BCOR: variants seen among roughly 807,000 people sequenced by gnomAD.
BCOR encodes the protein BCL6 corepressor.
BCOR carries 10 observed loss-of-function variants against 86.7 expected under a neutral mutation model. That is an observed-to-expected ratio of 0.12 (90% CI 0.07 to 0.20). The LOEUF (loss-of-function observed/expected upper bound fraction) is 0.20. Ranked by LOEUF, BCOR falls within the 10% of genes least tolerant of loss-of-function variation. The probability of loss-of-function intolerance (pLI) is 1.00; values close to 1 mark genes in which losing one functional copy is unlikely to be tolerated. For synonymous variants in BCOR, 611 were observed against 609.0 expected (o/e 1.00, Z -0.05); for missense variants, 1,259 against 1,452.1 (o/e 0.87, Z 2.16).
In BCOR at chrX:40,123,655, CT is replaced by C. The variant is rs201338413; in HGVS notation, c.-40-45687del. On this transcript the variant is annotated intron_variant, in intron 1 of 14. Coordinates refer to the BCOR transcript ENST00000342274. ...GGTGTGAGCCACCGCGCCCGGCCTT[CT>C]TTTTTTCTTCCACACTTTCTGATTT... 2.7e-3 allele frequency among the ~76,000 whole-genome samples: 297 copies of C among 111,045 alleles called. 1 individual carries two copies. The highest frequency in any genetic ancestry group is 8.4e-3 in the African/African-American group (258 of 30,566).
At chrX:40,138,921 C>T (rs1406127718) in intron 1 of BCOR, among the ~76,000 whole-genome samples, 2 of 110,836 alleles carry the variant, frequency 1.8e-5, no homozygotes, top group African/African-American at 6.6e-5. Flanking sequence ...TATATTGTAT[C>T]ACTACCCTCC....
intron 1 of BCOR, among the ~76,000 whole-genome samples, chrX:40,110,890 T>G (rs1172010098): frequency 1.8e-5 from 2 of 108,236 alleles, no homozygotes. Flanking sequence ...TTTTTGTATT[T>G]CTAGTAGAGA....
At chrX:40,093,252 T>C (rs1936699186) in intron 1 of BCOR, among the ~76,000 whole-genome samples, 1 of 112,240 alleles carries the variant, frequency 8.9e-6, no homozygotes, top group Admixed American at 9.4e-5. Context: ...GCACATGTCA[T>C]TCAAGCGCAC....
In BCOR at chrX:40,064,619, A is replaced by C. The variant is rs765176357; in HGVS notation, c.3239-20T>G. On this transcript the variant is annotated intron_variant, in intron 6 of 14. Coordinates refer to ENST00000378444, the MANE Select transcript of BCOR (RefSeq NM_001123385.2). Reference sequence around the variant, plus strand: ...ACTCGCCTGGGGGAGGGGAGACAAGAGGGCATTAATGAAGCCCGAAGGTCG... The same window carrying C: ...ACTCGCCTGGGGGAGGGGAGACAAGCGGGCATTAATGAAGCCCGAAGGTCG... 8.3e-7 allele frequency: 1 copy of C among 1,211,432 alleles called. No individual in the cohort carries two copies. Among genetic ancestry groups the C allele is most frequent in the South Asian group, 1.8e-5 (1 of 56,951 alleles).
chrX:40,142,255 G>A (rs999857615), intron 1 of BCOR, among the ~76,000 whole-genome samples: 2 of 112,211 alleles, frequency 1.8e-5, no homozygotes, highest in Non-Finnish European at 3.8e-5. Flanking sequence ...TCTGGGTTCT[G>A]GTCTCTTTTG....
chrX:40,108,411 T>G (rs1284619468), intron 1 of BCOR, among the ~76,000 whole-genome samples: 1 of 113,069 alleles, frequency 8.8e-6, no homozygotes, highest in African/African-American at 3.2e-5. Flanking sequence ...AGCCAGTAAA[T>G]CAATCATTAA....
At chrX:40,159,497 C>G (rs1216190802) in intron 1 of BCOR, among the ~76,000 whole-genome samples, 1 of 111,707 alleles carries the variant, frequency 9.0e-6, no homozygotes, top group Non-Finnish European at 1.9e-5. Flanking sequence ...CAGGCGCCTG[C>G]CAACGCGCCC....
chrX:40,074,073 G>C lies in BCOR; in HGVS notation c.1273C>G (p.Pro425Ala). 1 of 1,212,136 alleles carries C rather than the reference G, an allele frequency of 8.2e-7. No individual in the cohort carries two copies. Residue 425 changes from proline (P) to alanine (A), a missense_variant, in exon 4 of 15, where the codon CCT becomes GCT. Physicochemically the swap from Pro to Ala is conservative, Grantham distance 27. Around this residue, in one of 7 missense-constraint regions of BCOR, gnomAD observed 534 missense variants for 594.8 expected, o/e 0.90. Coordinates refer to ENST00000378444, the MANE Select transcript of BCOR (RefSeq NM_001123385.2). Reference sequence around the variant, plus strand: ...GTAACGGTCTGCTTCTCCAACAGAGGAGGTGAGCTGCCATCTTTTCTGTCT... The same window carrying C: ...GTAACGGTCTGCTTCTCCAACAGAGCAGGTGAGCTGCCATCTTTTCTGTCT... ...VQDRKDGSSP[P>A]LLEKQTVTKD...
rs894281028 is a variant in BCOR at position 40,176,545 on chromosome X, C to G, written c.-41+462G>C. 2.7e-5 allele frequency among the ~76,000 whole-genome samples: 3 copies of G among 112,959 alleles called. No individual in the cohort carries two copies. The East Asian group carries it at 8.5e-4, about 32-fold the overall frequency. ...TCAGACGCCCTCGCAGCCTCCGCGT[C>G]GGTTCCGCTCTCGCCCCGGGAGCCC... On this transcript the variant is annotated intron_variant, in intron 1 of 14. Transcript: ENST00000342274.
chrX:40,083,731 C>A (rs1240311237), intron 1 of BCOR, among the ~76,000 whole-genome samples: 1 of 112,468 alleles, frequency 8.9e-6, no homozygotes, highest in Non-Finnish European at 1.9e-5. Context: ...GAGGTCCCAG[C>A]GCGCGGGGCC....
At chrX:40,151,114 C>G (rs1296254585) in intron 1 of BCOR, among the ~76,000 whole-genome samples, 1 of 111,847 alleles carries the variant, frequency 8.9e-6, no homozygotes, top group Non-Finnish European at 1.9e-5. Flanking sequence ...AGTTGTACCT[C>G]CAGAACCCAC....
At chrX:40,089,918 C>T (rs988486693) in intron 1 of BCOR, among the ~76,000 whole-genome samples, 2 of 112,161 alleles carry the variant, frequency 1.8e-5, no homozygotes, top group Non-Finnish European at 3.8e-5. Flanking sequence ...TTCTATTGGG[C>T]CACCCAGAGT....
In BCOR at chrX:40,053,902, C is replaced by G. The variant is rs138012019; in HGVS notation, c.4960G>C (p.Val1654Leu). 176 of 1,209,613 alleles carry G rather than the reference C, an allele frequency of 1.5e-4. No individual in the cohort carries two copies. The highest frequency in any genetic ancestry group is 1.9e-4 in the Non-Finnish European group (169 of 895,125). The change falls in exon 14 of 15, where the codon GTA becomes CTA. Residue 1654 changes from valine to leucine, a missense_variant. Val to Leu is a conservative substitution (Grantham distance 32). Coordinates refer to ENST00000378444, the MANE Select transcript of BCOR (RefSeq NM_001123385.2). ...TPLLPCYNIQ[V>L]SVAQGPRNWL... ...CATGCTCACCCCTGAGCCACAGATACTTGGATGTTATAACACGGTAAGAGG... is the reference window on the plus strand; with the variant it reads ...CATGCTCACCCCTGAGCCACAGATAGTTGGATGTTATAACACGGTAAGAGG...
At chrX:40,130,407 C>G (rs1323334548) in intron 1 of BCOR, among the ~76,000 whole-genome samples, 1 of 112,377 alleles carries the variant, frequency 8.9e-6, no homozygotes, top group Non-Finnish European at 1.9e-5. Context: ...GGGGTGCTGA[C>G]TCACACATCA....
rs776199630 is a variant in BCOR, at chrX:40,074,832, C to T, written c.514G>A (p.Ala172Thr). Reference sequence around the variant, plus strand: ...TTGAGAGGGCTCTGTTTGTCGCTGGCAGGCCTGTCCAAGCCCAGCGCTTCT... The same window carrying T: ...TTGAGAGGGCTCTGTTTGTCGCTGGTAGGCCTGTCCAAGCCCAGCGCTTCT... ...TAEALGLDRP[A>T]SDKQSPLNIN... Residue 172 changes from alanine to threonine, a missense_variant, in exon 4 of 15, where the codon GCC (alanine) becomes ACC (threonine). Ala to Thr is a moderately conservative substitution (Grantham distance 58). Around this residue, in one of 7 missense-constraint regions of BCOR, gnomAD observed 174 missense variants for 189.3 expected, o/e 0.92. Coordinates refer to ENST00000378444, the MANE Select transcript of BCOR (RefSeq NM_001123385.2). 1 of 1,211,817 alleles carries T rather than the reference C, an allele frequency of 8.3e-7. No individual in the cohort carries two copies. The highest frequency in any genetic ancestry group is 1.1e-6 in the Non-Finnish European group (1 of 895,522).
chrX:40,154,926 A>G (rs942754833), intron 1 of BCOR, among the ~76,000 whole-genome samples: 6 of 112,436 alleles, frequency 5.3e-5, no homozygotes, highest in Admixed American at 4.6e-4. Flanking sequence ...CTGCTCGGCA[A>G]AGGGTTAACC....
chrX:40,159,466 C>T (rs1422588459), intron 1 of BCOR, among the ~76,000 whole-genome samples: 2 of 112,835 alleles, frequency 1.8e-5, no homozygotes, highest in African/African-American at 3.2e-5. Flanking sequence ...CCTGCCTCGG[C>T]CTCCCGAGTA....
intron 1 of BCOR, among the ~76,000 whole-genome samples, chrX:40,138,363 C>T (rs766096278): frequency 1.8e-5 from 2 of 111,785 alleles, no homozygotes; most frequent in African/African-American, 6.5e-5. Flanking sequence ...AGGCGAGGGA[C>T]GACTACGAAG....
rs2147198734 is a variant in BCOR at position 40,072,360 on chromosome X, G to A, written c.2986C>T (p.Arg996Trp). 1 of 1,208,525 alleles carries A rather than the reference G, an allele frequency of 8.3e-7. No homozygotes were observed. The highest frequency in any genetic ancestry group is 2.2e-5 in the Admixed American group (1 of 45,827). ...ADSSQLSREQ[R>W]ALQMEGLQED... is the part of the protein sequence containing the mutation. Reference sequence around the variant, plus strand: ...GTGGGGGGGCTCACCTGCAATGCCCGTTGCTCCCGGCTGAGCTGACTGGAA... The same window carrying A: ...GTGGGGGGGCTCACCTGCAATGCCCATTGCTCCCGGCTGAGCTGACTGGAA... The change falls in exon 4 of 15, where the codon CGG (arginine) becomes TGG (tryptophan). Residue 996 changes from arginine (R) to tryptophan (W), a missense_variant. Physicochemically the swap from Arg to Trp is moderately radical, Grantham distance 101 (BLOSUM62 -3). Coordinates refer to ENST00000378444, the MANE Select transcript of BCOR (RefSeq NM_001123385.2).
Sources: allele counts gnomAD v4.1 joint callset (sites outside exome capture counted in the v4.1 genomes callset), GRCh38; gene constraint gnomAD v4.1.1; regional missense constraint gnomAD v4.1.1; transcripts MANE v1.5; gene names NCBI Gene and HGNC (gene_info 2026-07-23, HGNC 2026-07-21).